Variants in CNGB3 observed in about 807,000 individuals in gnomAD.
CNGB3 encodes the protein cyclic nucleotide gated channel subunit beta 3.
A neutral mutation model predicts 92.8 loss-of-function variants in CNGB3; 86 were observed. The observed-to-expected ratio is 0.93, with a 90% confidence interval of 0.78 to 1.11. The LOEUF (loss-of-function observed/expected upper bound fraction) is 1.11, where lower values mean the gene tolerates loss of function less well. Among genes scored for constraint, CNGB3 ranks in the 50% least tolerant of loss-of-function variants. The probability of loss-of-function intolerance (pLI) is 0.00; values close to 1 mark genes in which losing one functional copy is unlikely to be tolerated. For synonymous variants in CNGB3, 333 were observed against 332.7 expected (o/e 1.00, Z -0.01); for missense variants, 1,026 against 956.8 (o/e 1.07, Z -0.95).
At chr8:86,655,036 C>T (rs1201897976) in intron 6 of CNGB3, among the ~76,000 whole-genome samples, 3 of 152,170 alleles carry the variant, frequency 2.0e-5, no homozygotes, top group East Asian at 1.9e-4. Context: ...TCTTCATTCT[C>T]CTTGAGCCAA....
intron 3 of CNGB3, among the ~76,000 whole-genome samples, chr8:86,715,867 C>G (rs1392191719): frequency 1.3e-5 from 2 of 149,678 alleles, no homozygotes; most frequent in African/African-American, 2.4e-5. Context: ...AGAGATATAC[C>G]TAATGCTAAA....
intron 1 of CNGB3, among the ~76,000 whole-genome samples, chr8:86,740,117 T>C (rs1586046207): frequency 6.6e-6 from 1 of 152,344 alleles, no homozygotes; most frequent in East Asian, 1.9e-4. Flanking sequence ...CATGATTTCA[T>C]GTGCTTCTGC....
intron 3 of CNGB3, among the ~76,000 whole-genome samples, chr8:86,725,260 A>G (rs1256388818): frequency 6.6e-6 from 1 of 152,144 alleles, no homozygotes; most frequent in Non-Finnish European, 1.5e-5. Context: ...GGGAATTCAA[A>G]TCTTTTGTAG....
chr8:86,713,453 C>A (rs1053831572), intron 3 of CNGB3, among the ~76,000 whole-genome samples: 38 of 152,254 alleles, frequency 2.5e-4, no homozygotes, highest in African/African-American at 8.9e-4. Flanking sequence ...ATATAGTCAA[C>A]TTTTATATAT....
At chr8:86,678,446 A>G (rs1388164996) in intron 3 of CNGB3, among the ~76,000 whole-genome samples, 1 of 152,184 alleles carries the variant, frequency 6.6e-6, no homozygotes, top group Non-Finnish European at 1.5e-5. Context: ...GCATTATGGT[A>G]TTGTTTGCAC....
At chr8:86,714,702 CTG>C (rs35118704) in intron 3 of CNGB3, among the ~76,000 whole-genome samples, 28,764 of 152,008 alleles carry the variant, frequency 0.19, 3,318 homozygotes, top group South Asian at 0.3. Context: ...TGCTGAAAAA[CTG>C]AGTCTGTTTG....
chr8:86,720,222 G>A (rs1040283394), intron 3 of CNGB3, among the ~76,000 whole-genome samples: 5 of 152,138 alleles, frequency 3.3e-5, no homozygotes, highest in Admixed American at 1.3e-4. Flanking sequence ...CCCACAGAGT[G>A]GGAGAAAATC....
chr8:86,647,657 G>A (rs188910917), intron 8 of CNGB3, 144 bp downstream of exon 8: 14 of 602,246 alleles, frequency 2.3e-5, no homozygotes, highest in African/African-American at 2.1e-4. Context: ...GCATTGATGA[G>A]GGCAGAAAGA....
intron 8 of CNGB3, among the ~76,000 whole-genome samples, chr8:86,644,943 A>G (rs990453654): frequency 3.3e-5 from 5 of 151,160 alleles, no homozygotes; most frequent in Non-Finnish European, 7.4e-5. Context: ...TTTGTTGAAA[A>G]TGAAACTTAA....
At position 86,679,252 on chromosome 8, in the gene CNGB3, T is replaced by G. The variant is rs150519886; in HGVS notation, c.339-8154A>C. 3.5e-4 allele frequency among the ~76,000 whole-genome samples: 54 copies of G among 152,342 alleles called. No individual in the cohort carries two copies. The East Asian group carries it at 3.9e-3, about 11-fold the overall frequency. Reference sequence around the variant, plus strand: ...CTCTCTTTCATTTTACACACACTCTTACATTTATTAGTTTATTTATTTGTT... The same window carrying G: ...CTCTCTTTCATTTTACACACACTCTGACATTTATTAGTTTATTTATTTGTT... On this transcript the variant is annotated intron_variant, in intron 3 of 17. Transcript: ENST00000320005.
intron 2 of CNGB3, among the ~76,000 whole-genome samples, chr8:86,730,268 T>G (rs961425913): frequency 6.6e-6 from 1 of 152,190 alleles, no homozygotes; most frequent in African/African-American, 2.4e-5. Context: ...CCTTCCACAT[T>G]TTATCAGTGA....
intron 15 of CNGB3, among the ~76,000 whole-genome samples, chr8:86,581,742 C>CA (rs1821789375): frequency 6.6e-6 from 1 of 152,102 alleles, no homozygotes; most frequent in African/African-American, 2.4e-5. Flanking sequence ...CTTACCCCCC[C>CA]ACCAAGTCTC....
intron 6 of CNGB3, among the ~76,000 whole-genome samples, chr8:86,655,411 A>G (rs1462062024): frequency 6.6e-6 from 1 of 152,160 alleles, no homozygotes; most frequent in Non-Finnish European, 1.5e-5. Flanking sequence ...CATCCCAGAA[A>G]CAGAACCCAC....
intron 3 of CNGB3, among the ~76,000 whole-genome samples, chr8:86,715,714 G>T (rs902839351): frequency 1.3e-5 from 2 of 151,324 alleles, no homozygotes; most frequent in African/African-American, 2.4e-5. Flanking sequence ...AGACACCAGA[G>T]GAAGGTGAAA....
chr8:86,600,299 T>A (rs1044404269), intron 15 of CNGB3, among the ~76,000 whole-genome samples: 1 of 152,180 alleles, frequency 6.6e-6, no homozygotes, highest in Admixed American at 6.5e-5. Context: ...AAGTCTCTTC[T>A]AAGGCCCTGG....
rs1823258436 is a variant in CNGB3, at chr8:86,644,613, A to T, written c.1055+9T>A. ...CCCCTTCCCCCAAGTATACTGAGTT[A>T]TACTTTACCTGTAGATATATGCTTT... On this transcript the variant is annotated intron_variant, in intron 9 of 17. Transcript: ENST00000320005. 1 of 1,600,786 alleles carries T rather than the reference A, an allele frequency of 6.2e-7. No homozygotes were observed. The highest frequency in any genetic ancestry group is 8.5e-7 in the Non-Finnish European group (1 of 1,171,084).
intron 8 of CNGB3, among the ~76,000 whole-genome samples, chr8:86,646,845 A>G (rs958645586): frequency 2.0e-5 from 3 of 151,196 alleles, no homozygotes; most frequent in East Asian, 1.9e-4. Flanking sequence ...TATGAGTTAT[A>G]AAGTATTTAT....
chr8:86,647,942 G>A (rs1585991173), intron 7 of CNGB3, 55 bp from the exon 8 acceptor site: 1 of 1,033,710 alleles, frequency 9.7e-7, no homozygotes, highest in East Asian at 2.4e-5. Flanking sequence ...TTCTGGGAAT[G>A]GATGGATTTA....
chr8:86,599,529 G>A (rs1004880917), intron 15 of CNGB3, among the ~76,000 whole-genome samples: 2 of 152,162 alleles, frequency 1.3e-5, no homozygotes, highest in Non-Finnish European at 2.9e-5. Context: ...AAAGCAAATG[G>A]GAGAAATATT....
Sources: gnomAD v4.1 joint callset for allele counts (sites outside exome capture counted in the v4.1 genomes callset) on GRCh38, gnomAD v4.1.1 for gene constraint, MANE v1.5 for transcripts, NCBI Gene and HGNC (gene_info 2026-07-23, HGNC 2026-07-21) for gene names.